The following RSPO2 variants were observed in gnomAD, a reference collection of about 807,000 sequenced individuals.
RSPO2 encodes R-spondin-2.
Under a neutral mutation model 30.9 loss-of-function variants are expected in RSPO2, and 14 were observed. The observed-to-expected ratio is 0.45, with a 90% CI of 0.30 to 0.71. The LOEUF is 0.71. Ranked by LOEUF, RSPO2 falls within the 30% of genes least tolerant of loss-of-function variation. The pLI is 0.08. For missense variants in RSPO2, 264 were observed against 301.9 expected, an observed-to-expected ratio of 0.87 and a Z score of 0.93; for synonymous variants, 107 against 96.4, an observed-to-expected ratio of 1.11 and a Z score of -0.64.
At chr8:107,988,951 A>G in intron 3 of RSPO2, 105 bp downstream of exon 3, 1 of 1,081,038 alleles carries the variant, frequency 9.3e-7, no homozygotes. Flanking sequence ...TCTATCACCT[A>G]TTACAAACAC....
intron 2 of RSPO2, among the ~76,000 whole-genome samples, chr8:108,075,678 GTTT>G (rs35335035): frequency 6.8e-6 from 1 of 146,716 alleles, no homozygotes; most frequent in African/African-American, 2.5e-5. Context: ...TTTTATACCT[GTTT>G]TTTTTTTTAA....
At chr8:108,042,874 T>C (rs1006393635) in intron 2 of RSPO2, among the ~76,000 whole-genome samples, 6 of 152,080 alleles carry the variant, frequency 3.9e-5, no homozygotes, top group East Asian at 1.9e-4. Context: ...CTTCACATGA[T>C]AGCTGTAAGA....
intron 2 of RSPO2, among the ~76,000 whole-genome samples, chr8:108,028,187 G>A (rs1344650539): frequency 6.6e-6 from 1 of 152,126 alleles, no homozygotes; most frequent in African/African-American, 2.4e-5. Flanking sequence ...CTCTGACCTA[G>A]CAATTGACCT....
intron 2 of RSPO2, among the ~76,000 whole-genome samples, chr8:108,028,378 G>A (rs1183013114): frequency 6.6e-6 from 1 of 152,080 alleles, no homozygotes; most frequent in Non-Finnish European, 1.5e-5. Context: ...AAATCCCAAA[G>A]CAACTTAGTT....
At chr8:108,063,354 G>T (rs542466920) in intron 2 of RSPO2, among the ~76,000 whole-genome samples, 5 of 151,424 alleles carry the variant, frequency 3.3e-5, no homozygotes, top group Non-Finnish European at 5.9e-5. Flanking sequence ...AAAATCAACC[G>T]GCAAAAATCA....
intron 2 of RSPO2, among the ~76,000 whole-genome samples, chr8:107,995,774 C>T (rs749050678): frequency 9.2e-5 from 14 of 152,062 alleles, no homozygotes; most frequent in Admixed American, 2.6e-4. Context: ...TGAATCTTCT[C>T]ATAATTCAGG....
At chr8:107,903,404 A>G (rs1446919214) in intron 5 of RSPO2, among the ~76,000 whole-genome samples, 1 of 152,120 alleles carries the variant, frequency 6.6e-6, no homozygotes, top group Admixed American at 6.6e-5. Flanking sequence ...TACTTTCACT[A>G]ACAGCAAATC....
chr8:108,071,645 C>A (rs972067382), intron 2 of RSPO2, among the ~76,000 whole-genome samples: 1 of 152,134 alleles, frequency 6.6e-6, no homozygotes, highest in African/African-American at 2.4e-5. Context: ...TTCCAGTTAC[C>A]CAACCTACAG....
intron 2 of RSPO2, among the ~76,000 whole-genome samples, chr8:108,028,955 T>G (rs1811314628): frequency 1.5e-5 from 1 of 65,868 alleles, no homozygotes; most frequent in African/African-American, 1.1e-4. Context: ...AATATAAATA[T>G]CTAATTTTTT....
intron 5 of RSPO2, among the ~76,000 whole-genome samples, chr8:107,915,760 G>A (rs1398068595): frequency 6.6e-6 from 1 of 152,152 alleles, no homozygotes; most frequent in African/African-American, 2.4e-5. Flanking sequence ...CTTCGCAGGT[G>A]ACTAGTGTCT....
chr8:107,954,511 T>A (rs1476929070), intron 5 of RSPO2, among the ~76,000 whole-genome samples: 2 of 152,226 alleles, frequency 1.3e-5, no homozygotes, highest in Admixed American at 6.5e-5. Context: ...ACAGCTTTCA[T>A]TTTCAAGTCA....
intron 2 of RSPO2, among the ~76,000 whole-genome samples, chr8:108,068,191 T>C (rs1045868714): frequency 6.6e-6 from 1 of 152,160 alleles, no homozygotes; most frequent in African/African-American, 2.4e-5. Flanking sequence ...TTGTAATAAG[T>C]AATAAAGAGG....
chr8:108,044,213 T>C (rs1192627343), intron 2 of RSPO2, among the ~76,000 whole-genome samples: 2 of 151,884 alleles, frequency 1.3e-5, no homozygotes, highest in Non-Finnish European at 2.9e-5. Flanking sequence ...TGGGAAGAAG[T>C]CTTTTCTGGG....
chr8:107,960,864 TTTAC>T, intron 3 of RSPO2, 47 bp from the exon 4 acceptor site: 1 of 1,398,898 alleles, frequency 7.1e-7, no homozygotes, highest in Non-Finnish European at 9.7e-7. Flanking sequence ...GTCAAAGAAA[TTTAC>T]TTGTTTTACA....
At chr8:108,082,375 G>C (rs1180638592) in intron 2 of RSPO2, among the ~76,000 whole-genome samples, 170 bp downstream of exon 2, 1 of 152,142 alleles carries the variant, frequency 6.6e-6, no homozygotes, top group African/African-American at 2.4e-5. Context: ...ACAGAAAACA[G>C]AGTGTTTTGT....
At chr8:107,915,830 T>C (rs1340454234) in intron 5 of RSPO2, among the ~76,000 whole-genome samples, 2 of 152,166 alleles carry the variant, frequency 1.3e-5, no homozygotes, top group African/African-American at 4.8e-5. Flanking sequence ...CTGCGGCCTA[T>C]TGGGAAACAT....
intron 3 of RSPO2, among the ~76,000 whole-genome samples, chr8:107,974,673 G>C (rs1814145648): frequency 6.6e-6 from 1 of 152,130 alleles, no homozygotes. Context: ...GTTGAGGGAA[G>C]AGAGGTGGGA....
At chr8:107,945,599 A>G (rs1813036229) in intron 5 of RSPO2, among the ~76,000 whole-genome samples, 1 of 152,042 alleles carries the variant, frequency 6.6e-6, no homozygotes, top group Non-Finnish European at 1.5e-5. Context: ...TTTGCTACGT[A>G]ACACATGCAT....
At chr8:108,047,676 C>T (rs1397728502) in intron 2 of RSPO2, among the ~76,000 whole-genome samples, 3 of 151,958 alleles carry the variant, frequency 2.0e-5, no homozygotes, top group African/African-American at 4.8e-5. Flanking sequence ...AGTGAAACCC[C>T]GTCTCTATTA....
Sources: allele counts gnomAD v4.1 joint callset (sites outside exome capture counted in the v4.1 genomes callset), GRCh38; gene constraint gnomAD v4.1.1; transcripts MANE v1.5; gene names NCBI Gene and HGNC (gene_info 2026-07-23, HGNC 2026-07-21).